Variants in METTL6 observed in about 807,000 individuals in gnomAD.
The protein encoded by METTL6 is tRNA N(3)-cytidine methyltransferase METTL6.
A neutral mutation model predicts 26.4 loss-of-function variants in METTL6; 22 were observed. The ratio of observed to expected loss-of-function variants is 0.83; its 90% confidence interval spans 0.59 to 1.19. The LOEUF is 1.19. Ranked by LOEUF, METTL6 falls within the 50% of genes most tolerant of loss-of-function variation. The probability of loss-of-function intolerance (pLI) is 0.00; values close to 1 mark genes in which losing one functional copy is unlikely to be tolerated. For missense variants in METTL6, 304 were observed against 324.8 expected (o/e 0.94, Z 0.49); for synonymous variants, 109 against 116.2 (o/e 0.94, Z 0.40).
At chr3:15,397,285 G>T (rs554794394) in intron 6 of METTL6, among the ~76,000 whole-genome samples, 25 of 152,364 alleles carry the variant, frequency 1.6e-4, no homozygotes, top group Non-Finnish European at 1.6e-4. Flanking sequence ...CTCCGAGCCA[G>T]GCACGGGATA....
At chr3:15,426,211 T>C in intron 2 of METTL6, 76 bp downstream of exon 2, 1 of 1,429,642 alleles carries the variant, frequency 7.0e-7, no homozygotes, top group Non-Finnish European at 9.7e-7. Flanking sequence ...AGTACTGGGA[T>C]TACAGGCATG....
intron 6 of METTL6, among the ~76,000 whole-genome samples, chr3:15,396,710 G>A (rs1403115410): frequency 6.6e-6 from 1 of 152,186 alleles, no homozygotes; most frequent in Non-Finnish European, 1.5e-5. Context: ...TAACAGTCAG[G>A]ACCCTCAGCT....
At chr3:15,387,015 CT>C (rs778816215) in intron 6 of METTL6, among the ~76,000 whole-genome samples, 1 of 152,094 alleles carries the variant, frequency 6.6e-6, no homozygotes, top group African/African-American at 2.4e-5. Context: ...CCAGGCTGGT[CT>C]TGAACTCCTG....
At chr3:15,381,535 T>C (rs6442519) in exon 7 of METTL6, 13,544 of 152,198 alleles carry the variant, frequency 0.089, 803 homozygotes, top group African/African-American at 0.16. Context: ...ACATTATTAC[T>C]TGCATACATC....
intron 6 of METTL6, among the ~76,000 whole-genome samples, chr3:15,397,461 G>A (rs935073108): frequency 5.7e-4 from 87 of 152,210 alleles, no homozygotes; most frequent in African/African-American, 1.9e-3. Context: ...ACCCTGCTTC[G>A]GCTCGGGCTC....
chr3:15,401,940 CTT>C (rs886378356), intron 6 of METTL6, among the ~76,000 whole-genome samples: 2 of 152,204 alleles, frequency 1.3e-5, no homozygotes, highest in Admixed American at 1.3e-4. Context: ...GCCAGCCATT[CTT>C]TTGTTTCTTT....
At chr3:15,417,480 TAAATA>T (rs1447602985) in intron 3 of METTL6, among the ~76,000 whole-genome samples, 1 of 148,680 alleles carries the variant, frequency 6.7e-6, no homozygotes, top group Non-Finnish European at 1.5e-5. Context: ...AATAAATAAA[TAAATA>T]AAATAGAATG....
chr3:15,408,670 G>C (rs1469245977), downstream of METTL6, among the ~76,000 whole-genome samples: 1 of 149,146 alleles, frequency 6.7e-6, no homozygotes, highest in Non-Finnish European at 1.5e-5. Context: ...CAACTCCTGG[G>C]CTCATGGGAT....
intron 6 of METTL6, among the ~76,000 whole-genome samples, chr3:15,390,418 A>G (rs1699313214): frequency 1.3e-5 from 2 of 152,114 alleles, no homozygotes; most frequent in African/African-American, 4.8e-5. Flanking sequence ...ACAGAGCAAG[A>G]CTCTGTCTCA....
rs891873697 is a variant in METTL6, at chr3:15,414,906, A to G, written c.532-744T>C. 1.0e-5 allele frequency: 11 copies of G among 1,094,440 alleles called. No individual in the cohort carries two copies. In the Admixed American group the frequency reaches 2.1e-4, roughly 21 times the overall value. 67.8% of individuals were successfully genotyped at this position (1,094,440 alleles called of 1,614,324 possible). On this transcript the variant is annotated intron_variant, in intron 4 of 5. Coordinates refer to ENST00000383790, the MANE Select transcript of METTL6 (RefSeq NM_152396.4). ...CACTGCACTCCAGCCTGAGTGACACAGCAAGACCCTGTCTCAAAAATAAAT... is the reference window on the plus strand; with the variant it reads ...CACTGCACTCCAGCCTGAGTGACACGGCAAGACCCTGTCTCAAAAATAAAT...
At chr3:15,387,768 G>A (rs895831673) in intron 6 of METTL6, among the ~76,000 whole-genome samples, 3 of 152,104 alleles carry the variant, frequency 2.0e-5, no homozygotes, top group African/African-American at 7.2e-5. Flanking sequence ...AGAATGAATG[G>A]ATCAGGGAAC....
rs564985130 is a variant in METTL6, at chr3:15,424,834, G to A, written c.360+121C>T. ...ATGTAAGCAGGACAACTACATGTAT[G>A]GTGACTATAGCTGGTTAGCTCCAGG... On this transcript the variant is annotated intron_variant, in intron 3 of 5. Coordinates refer to ENST00000383790, the MANE Select transcript of METTL6 (RefSeq NM_152396.4). 273 of 1,274,148 alleles carry A rather than the reference G, an allele frequency of 2.1e-4. 3 individuals are homozygous for A. In the Admixed American group the frequency reaches 5.0e-3, roughly 23 times the overall value. The allele number at this position is 1,274,148 out of a possible 1,614,324, so 78.9% of individuals were successfully genotyped here.
intron 3 of METTL6, among the ~76,000 whole-genome samples, chr3:15,416,578 C>T (rs1395370764): frequency 6.6e-6 from 1 of 152,112 alleles, no homozygotes; most frequent in Admixed American, 6.6e-5. Context: ...CTTAATCCTC[C>T]TTTGAATCAT....
chr3:15,401,832 G>A (rs1030951527), intron 6 of METTL6, among the ~76,000 whole-genome samples: 8 of 152,280 alleles, frequency 5.3e-5, no homozygotes, highest in South Asian at 2.1e-4. Flanking sequence ...TTTCCAGAAC[G>A]TTCATGAATA....
At chr3:15,423,813 G>T (rs1173518741) in intron 3 of METTL6, among the ~76,000 whole-genome samples, 1 of 152,146 alleles carries the variant, frequency 6.6e-6, no homozygotes. Context: ...GAGCCAGGGG[G>T]GTCAAGGCTG....
chr3:15,395,395 T>C (rs1471017663), intron 6 of METTL6, among the ~76,000 whole-genome samples: 1 of 152,200 alleles, frequency 6.6e-6, no homozygotes, highest in African/African-American at 2.4e-5. Context: ...ATGTGCATCT[T>C]TGCATGTGAG....
At position 15,426,357 on chromosome 3, in the gene METTL6, T is replaced by C. The variant is rs370811487; in HGVS notation, c.155A>G (p.Asn52Ser). ...QKNWDLFYKR[N>S]STNFFKDRHW... Reference sequence around the variant, plus strand: ...TCTGTCTTTGAAGAAATTAGTGCTATTTCTTTTGTAAAAAAGATCCCAATT... The same window carrying C: ...TCTGTCTTTGAAGAAATTAGTGCTACTTCTTTTGTAAAAAAGATCCCAATT... The change falls in exon 2 of 6, where the codon AAT becomes AGT. Residue 52 changes from asparagine to serine, a missense_variant. By Grantham distance (46) the Asn-to-Ser change is conservative. Coordinates refer to ENST00000383790, the MANE Select transcript of METTL6 (RefSeq NM_152396.4). 52 of 1,614,144 alleles carry C rather than the reference T, an allele frequency of 3.2e-5. No individual in the cohort carries two copies. Among genetic ancestry groups the C allele is most frequent in the Non-Finnish European group, 3.5e-5 (41 of 1,180,050 alleles).
exon 7 of METTL6, chr3:15,382,773 T>C (rs1414561117): frequency 6.6e-6 from 1 of 151,060 alleles, no homozygotes; most frequent in Middle Eastern, 3.2e-3. Context: ...ATAAACCCCA[T>C]ACAACTGATT....
At chr3:15,401,284 C>A (rs1699637324) in intron 6 of METTL6, among the ~76,000 whole-genome samples, 1 of 151,968 alleles carries the variant, frequency 6.6e-6, no homozygotes, top group Non-Finnish European at 1.5e-5. Context: ...TGTGATCCGC[C>A]CGCCTCGGCC....
Sources: gnomAD v4.1 joint callset for allele counts (sites outside exome capture counted in the v4.1 genomes callset) on GRCh38, gnomAD v4.1.1 for gene constraint, MANE v1.5 for transcripts, NCBI Gene and HGNC (gene_info 2026-07-23, HGNC 2026-07-21) for gene names.